NR3C2: variants seen among roughly 807,000 people sequenced by gnomAD.
The protein encoded by NR3C2 is mineralocorticoid receptor.
A neutral mutation model predicts 86.4 loss-of-function variants in NR3C2; 15 were observed. The observed-to-expected ratio is 0.17, with a 90% CI of 0.12 to 0.27. The LOEUF is 0.27. Among genes scored for constraint, NR3C2 ranks in the 10% least tolerant of loss-of-function variants. The pLI, the probability that NR3C2 is intolerant of heterozygous loss-of-function variation, is 1.00. For synonymous variants in NR3C2, 458 were observed against 450.5 expected (o/e 1.02, Z -0.21); for missense variants, 960 against 1,195.6 (o/e 0.80, Z 2.91).
intron 2 of NR3C2, among the ~76,000 whole-genome samples, chr4:148,357,133 T>A (rs1745587352): frequency 6.6e-6 from 1 of 152,096 alleles, no homozygotes; most frequent in African/African-American, 2.4e-5. Flanking sequence ...GAAGGAATAG[T>A]GGGGTGTGTG....
intron 6 of NR3C2, among the ~76,000 whole-genome samples, chr4:148,131,838 T>G (rs1429906977): frequency 2.0e-5 from 3 of 152,210 alleles, no homozygotes; most frequent in South Asian, 2.1e-4. Context: ...CCAGAAGAGA[T>G]ATGTTTTCAT....
At chr4:148,383,834 G>A (rs1336112576) in intron 2 of NR3C2, among the ~76,000 whole-genome samples, 5 of 151,740 alleles carry the variant, frequency 3.3e-5, no homozygotes, top group African/African-American at 1.2e-4. Flanking sequence ...TATAATCCCT[G>A]CTACTCTGGA....
At chr4:148,250,412 T>C (rs1389982593) in intron 3 of NR3C2, among the ~76,000 whole-genome samples, 5 of 152,196 alleles carry the variant, frequency 3.3e-5, no homozygotes, top group African/African-American at 1.2e-4. Context: ...TTAGTAGCTC[T>C]AACACGAGGA....
At chr4:148,258,732 C>T (rs769957183) in intron 3 of NR3C2, among the ~76,000 whole-genome samples, 3 of 152,184 alleles carry the variant, frequency 2.0e-5, no homozygotes, top group Non-Finnish European at 4.4e-5. Context: ...AGCGACTGAG[C>T]GAGCGGGATT....
intron 6 of NR3C2, among the ~76,000 whole-genome samples, chr4:148,123,160 A>AGCACTGAGATAC: frequency 6.6e-6 from 1 of 152,300 alleles, no homozygotes; most frequent in African/African-American, 2.4e-5. Flanking sequence ...GGTTGAGATA[A>AGCACTGAGATAC]GCACTGAGAT....
Position 148,120,159 on chromosome 4 carries a change from T to G in NR3C2, c.2640A>C (p.Thr880=). The G allele has an allele frequency of 6.2e-7, 1 of 1,614,100 alleles. No homozygotes were observed. Among genetic ancestry groups the G allele is most frequent in the Admixed American group, 1.7e-5 (1 of 60,022 alleles). ...GTGCCAGAATGGGCATCAATTTACT[T>G]GTGCTTAGTAGCAGCAAAACTTTCA... The part of the protein sequence containing the change: ...TIMKVLLLLS[T]IPKDGLKSQA... The change falls in exon 7 of 9, where the codon ACA becomes ACC. Residue 880 remains threonine (T), a splice_region_variant and synonymous_variant. Coordinates refer to ENST00000358102, the MANE Select transcript of NR3C2 (RefSeq NM_000901.5).
chr4:148,374,557 G>GA (rs960915425), intron 2 of NR3C2, among the ~76,000 whole-genome samples: 8 of 152,022 alleles, frequency 5.3e-5, no homozygotes, highest in Non-Finnish European at 2.9e-5. Context: ...AGAGAAAATA[G>GA]AAAAAATAAC....
chr4:148,089,841 C>CT (rs1306471561), intron 8 of NR3C2, among the ~76,000 whole-genome samples: 1 of 152,236 alleles, frequency 6.6e-6, no homozygotes, highest in Non-Finnish European at 1.5e-5. Context: ...TAGCAGAGTC[C>CT]TGCACACCCA....
chr4:148,442,750 G>C (rs1750418131), upstream of NR3C2: 3 of 985,398 alleles, frequency 3.0e-6, no homozygotes, highest in Non-Finnish European at 3.6e-6. Context: ...CGGGAGCTTG[G>C]GGTGCCGGGC....
At chr4:148,391,918 A>AT (rs1561080919) in intron 2 of NR3C2, among the ~76,000 whole-genome samples, 1 of 151,944 alleles carries the variant, frequency 6.6e-6, no homozygotes, top group Non-Finnish European at 1.5e-5. Flanking sequence ...AGACTTGAGA[A>AT]TTTTTTATAC....
At chr4:148,393,827 G>T (rs1335453460) in intron 2 of NR3C2, among the ~76,000 whole-genome samples, 2 of 152,156 alleles carry the variant, frequency 1.3e-5, no homozygotes, top group Admixed American at 6.5e-5. Context: ...ATACTCTGAA[G>T]GTATGGAATG....
chr4:148,137,830 C>T (rs566390356), intron 6 of NR3C2, among the ~76,000 whole-genome samples: 1 of 152,184 alleles, frequency 6.6e-6, no homozygotes, highest in South Asian at 2.1e-4. Context: ...ATGTAAGAAG[C>T]AGAAGAGAGA....
At chr4:148,342,721 C>G (rs1227540845) in intron 2 of NR3C2, among the ~76,000 whole-genome samples, 1 of 152,138 alleles carries the variant, frequency 6.6e-6, no homozygotes, top group African/African-American at 2.4e-5. Flanking sequence ...AATTATTGTG[C>G]AGTAGCATTA....
In NR3C2 at chr4:148,107,515, T is replaced by C. The variant is rs143473908; in HGVS notation, c.2799+6589A>G. 2.3e-3 allele frequency among the ~76,000 whole-genome samples: 356 copies of C among 152,354 alleles called. 1 individual carries two copies. The highest frequency in any genetic ancestry group is 7.9e-3 in the African/African-American group (330 of 41,582). On this transcript the variant is annotated intron_variant, in intron 8 of 8. Transcript: ENST00000358102. ...TACTGGGTATATACCCAAAGGATTA[T>C]AAATCATTCTACCATAAAGATGCAT...
At chr4:148,390,242 TA>T (rs1439479810) in intron 2 of NR3C2, among the ~76,000 whole-genome samples, 83 of 143,716 alleles carry the variant, frequency 5.8e-4, no homozygotes, top group Middle Eastern at 3.6e-3. Context: ...ATACATTCCT[TA>T]AAAAAAAAAA....
At chr4:148,112,849 A>G (rs1732104276) in intron 8 of NR3C2, among the ~76,000 whole-genome samples, 1 of 152,224 alleles carries the variant, frequency 6.6e-6, no homozygotes, top group African/African-American at 2.4e-5. Flanking sequence ...TTTCCATAAT[A>G]ATACCATTAT....
chr4:148,152,379 C>T (rs1435934646), intron 6 of NR3C2, 90 bp downstream of exon 6: 4 of 1,419,354 alleles, frequency 2.8e-6, no homozygotes, highest in East Asian at 2.3e-5. Flanking sequence ...GATTCTTTCA[C>T]CAACGTACAT....
At chr4:148,352,611 T>G (rs1745347158) in intron 2 of NR3C2, among the ~76,000 whole-genome samples, 1 of 152,144 alleles carries the variant, frequency 6.6e-6, no homozygotes, top group African/African-American at 2.4e-5. Flanking sequence ...TCATGTACAT[T>G]TGGTCGCTGA....
In NR3C2 at chr4:148,265,531, T is replaced by C. The variant is rs181166237; in HGVS notation, c.1758-5414A>G. Among the ~76,000 whole-genome samples, 24 of 152,306 alleles carry C rather than the reference T, an allele frequency of 1.6e-4. No homozygotes were observed. In the East Asian group the frequency reaches 3.9e-3, roughly 24 times the overall value. On this transcript the variant is annotated intron_variant, in intron 2 of 8. Coordinates refer to ENST00000358102, the MANE Select transcript of NR3C2 (RefSeq NM_000901.5). The stretch of plus-strand genomic sequence containing the variant: ...TTACAGTAATTTCATAACAAAACAG[T>C]AGCGACTGATCCACTTTCAGTGATT...
Sources: allele counts gnomAD v4.1 joint callset (sites outside exome capture counted in the v4.1 genomes callset), GRCh38; gene constraint gnomAD v4.1.1; transcripts MANE v1.5; gene names NCBI Gene and HGNC (gene_info 2026-07-23, HGNC 2026-07-21).